The following RNASEL variants were observed in gnomAD, a reference collection of about 807,000 sequenced individuals.
The protein encoded by RNASEL is ribonuclease L.
Under a neutral mutation model 50.9 loss-of-function variants are expected in RNASEL, and 36 were observed. The observed-to-expected ratio is 0.71, with a 90% confidence interval of 0.54 to 0.93. RNASEL has a LOEUF of 0.93. Among genes scored for constraint, RNASEL ranks in the 40% least tolerant of loss-of-function variants. The pLI is 0.00. For synonymous variants in RNASEL, 335 were observed against 335.6 expected, an observed-to-expected ratio of 1.00 and a Z score of 0.02; for missense variants, 860 against 894.5, an observed-to-expected ratio of 0.96 and a Z score of 0.49.
rs1433618487 is a variant in RNASEL, at chr1:182,581,445, G to A, written c.1773-88C>T. ...AAAAAGAAAACCGTTAGATTTTGGT[G>A]TTTTTTGTGCTTTCTTGGTTTTTCT... On this transcript the variant is annotated intron_variant, in intron 4 of 6. Coordinates refer to ENST00000367559, the MANE Select transcript of RNASEL (RefSeq NM_021133.4). The A allele has an allele frequency of 7.7e-6, 5 of 652,268 alleles. No individual in the cohort carries two copies. In the African/African-American group the frequency reaches 9.9e-5, roughly 13 times the overall value. The allele number at this position is 652,268 out of a possible 1,614,324, so 40.4% of individuals were successfully genotyped here.
Position 182,588,990 on chromosome 1 carries a change from C to CT in RNASEL, c.-165+176dup, listed in dbSNP as rs530184957. Among the ~76,000 whole-genome samples, 19 of 152,342 alleles carry CT rather than the reference C, an allele frequency of 1.2e-4. No homozygotes were observed. The East Asian group carries it at 3.7e-3, about 29-fold the overall frequency. ...GACATGGATAAATGACGTGTGGACT[C>CT]TGACAGAACTCTGGAAGGGCACTGG... On this transcript the variant is annotated intron_variant, in intron 1 of 6. Transcript: ENST00000367559.
intron 1 of RNASEL, among the ~76,000 whole-genome samples, chr1:182,588,806 G>A (rs1230647262): frequency 6.6e-6 from 1 of 152,224 alleles, no homozygotes; most frequent in East Asian, 1.9e-4. Flanking sequence ...ATAAACAAAG[G>A]AGCCGGGAAG....
intron 1 of RNASEL, among the ~76,000 whole-genome samples, chr1:182,587,574 A>G (rs951736491): frequency 2.0e-5 from 3 of 151,558 alleles, no homozygotes; most frequent in African/African-American, 7.3e-5. Context: ...AATTGCTTTC[A>G]ATGTCATATA....
Position 182,586,039 on chromosome 1 carries a change from C to T in RNASEL, c.768G>A (p.Gln256=). Residue 256 remains glutamine (Q), a synonymous_variant, in exon 2 of 7, where the codon CAG becomes CAA. Coordinates refer to ENST00000367559, the MANE Select transcript of RNASEL (RefSeq NM_021133.4). ...AVEKKHLGLV[Q]RLLEQEHIEI... is the part of the protein sequence containing the mutation. ...CTATGTGCTCTTGCTCCAGAAGCCT[C>T]TGCACCAAACCCAAGTGCTTCTTCT... The T allele has an allele frequency of 1.9e-6, 3 of 1,614,116 alleles. No individual in the cohort carries two copies. Among genetic ancestry groups the T allele is most frequent in the Non-Finnish European group, 2.5e-6 (3 of 1,180,036 alleles).
Position 182,586,745 on chromosome 1 carries a change from G to C in RNASEL, c.62C>G (p.Ala21Gly), listed in dbSNP as rs1396926537. ...CAGCAAGTGATTGTCTTCCACTGCA[G>C]CCCTTCTACCGCTGGAGGACGTGGG... ...EGPTSSSGRRAAVEDNHLLIK... is the reference protein window; with the variant it reads ...EGPTSSSGRRGAVEDNHLLIK... The change falls in exon 2 of 7, where the codon GCT (alanine) becomes GGT (glycine). Residue 21 changes from alanine (A) to glycine (G), a missense_variant. By Grantham distance (60) the Ala-to-Gly change is moderately conservative. Coordinates refer to ENST00000367559, the MANE Select transcript of RNASEL (RefSeq NM_021133.4). 1 of 1,614,142 alleles carries C rather than the reference G, an allele frequency of 6.2e-7. No individual in the cohort carries two copies. Among genetic ancestry groups the C allele is most frequent in the Non-Finnish European group, 8.5e-7 (1 of 1,180,056 alleles).
At chr1:182,576,441 C>G (rs769814669) in intron 5 of RNASEL, 52 bp from the exon 6 acceptor site, 1 of 1,416,996 alleles carries the variant, frequency 7.1e-7, no homozygotes, top group Non-Finnish European at 9.8e-7. Flanking sequence ...AAAATAAATC[C>G]TGATGAAATA....
intron 5 of RNASEL, among the ~76,000 whole-genome samples, chr1:182,577,454 C>T (rs190380812): frequency 1.3e-5 from 2 of 152,168 alleles, no homozygotes; most frequent in Non-Finnish European, 2.9e-5. Flanking sequence ...TGAAACTGGG[C>T]CTGGCAACCA....
In RNASEL at chr1:182,586,078, C is replaced by T; in HGVS notation, c.729G>A (p.Leu243=). Reference sequence around the variant, plus strand: ...AGTGCTTCTTCTCCACTGCCAGGATCAGGGGAGTCTTCCCTCTTTCTCCCC... The same window carrying T: ...AGTGCTTCTTCTCCACTGCCAGGATTAGGGGAGTCTTCCCTCTTTCTCCCC... ...NVRGERGKTP[L]ILAVEKKHLG... The change falls in exon 2 of 7, where the codon CTG becomes CTA. Residue 243 remains leucine, a synonymous_variant. Coordinates refer to ENST00000367559, the MANE Select transcript of RNASEL (RefSeq NM_021133.4). 1 of 1,614,146 alleles carries T rather than the reference C, an allele frequency of 6.2e-7. No individual in the cohort carries two copies. Among genetic ancestry groups the T allele is most frequent in the African/African-American group, 1.3e-5 (1 of 75,052 alleles).
intron 6 of RNASEL, among the ~76,000 whole-genome samples, chr1:182,575,976 T>G (rs983902207): frequency 1.3e-5 from 2 of 152,176 alleles, no homozygotes; most frequent in African/African-American, 4.8e-5. Flanking sequence ...AGCTGTCCAG[T>G]CTCCTGTGTT....
intron 6 of RNASEL, 38 bp from the exon 7 acceptor site, chr1:182,575,616 A>C (rs943679608): frequency 6.2e-7 from 1 of 1,612,196 alleles, no homozygotes; most frequent in African/African-American, 1.3e-5. Context: ...TGCTTGCCCC[A>C]AATTATTCTT....
Position 182,581,339 on chromosome 1 carries a change from C to T in RNASEL, c.1791G>A (p.Arg597=). 6.2e-7 allele frequency: 1 copy of T among 1,614,076 alleles called. No homozygotes were observed. Among genetic ancestry groups the T allele is most frequent in the Non-Finnish European group, 8.5e-7 (1 of 1,180,026 alleles). The change falls in exon 5 of 7, where the codon CGG becomes CGA. Residue 597 remains arginine (R), a synonymous_variant. Transcript: ENST00000367559. ...TGATGTCGGATTCATTTCCCACATT[C>T]CGAAGCGTCCTATAGCGGCTGAAGA... ...WTWESRYRTL[R]NVGNESDIKT...
chr1:182,581,099 A>T, intron 5 of RNASEL, 126 bp downstream of exon 5: 1 of 1,402,242 alleles, frequency 7.1e-7, no homozygotes, highest in East Asian at 2.3e-5. Flanking sequence ...GGAGGGCAGG[A>T]GGCAAAATCA....
intron 5 of RNASEL, chr1:182,579,291 G>A (rs1661447526): frequency 1.0e-6 from 1 of 986,336 alleles, no homozygotes; most frequent in Non-Finnish European, 1.2e-6. Flanking sequence ...TCATATCACA[G>A]TAATGTCATC....
intron 5 of RNASEL, 118 bp downstream of exon 5, chr1:182,581,107 T>A (rs1344955348): frequency 1.3e-6 from 2 of 1,494,898 alleles, no homozygotes; most frequent in South Asian, 2.3e-5. Context: ...GGAGGCAAAA[T>A]CACCTCTTTG....
chr1:182,583,059 C>G (rs1054078829), intron 3 of RNASEL, among the ~76,000 whole-genome samples: 1 of 152,198 alleles, frequency 6.6e-6, no homozygotes, highest in Non-Finnish European at 1.5e-5. Context: ...TAGTATCCAG[C>G]CTTCTGCAGA....
At chr1:182,576,111 G>T in intron 6 of RNASEL, 145 bp downstream of exon 6, 1 of 732,154 alleles carries the variant, frequency 1.4e-6, no homozygotes, top group Non-Finnish European at 2.2e-6. Context: ...AACAGTGATA[G>T]CCCTTTTACA....
chr1:182,581,473 CTTTTTTT>C (rs1011639686), intron 4 of RNASEL, 116 bp from the exon 5 acceptor site: 31 of 294,804 alleles, frequency 1.1e-4, no homozygotes, highest in African/African-American at 2.0e-4. Flanking sequence ...GTTTTTCTTT[CTTTTTTT>C]TTTTTTTTTT....
Position 182,586,658 on chromosome 1 carries a change from T to C in RNASEL, c.149A>G (p.Asn50Ser), listed in dbSNP as rs145581875. The change falls in exon 2 of 7, where the codon AAT becomes AGT. Residue 50 changes from asparagine to serine, a missense_variant. Physicochemically the swap from Asn to Ser is conservative, Grantham distance 46. Coordinates refer to ENST00000367559, the MANE Select transcript of RNASEL (RefSeq NM_021133.4). ...CCCTTCCTCTTCCTGGAAATTAACA[T>C]TGGCTCCACCTTCCAGCAATTGCTG... ...LVQQLLEGGA[N>S]VNFQEEEGGW... 1.2e-6 allele frequency: 2 copies of C among 1,613,652 alleles called. No homozygotes were observed. Among genetic ancestry groups the C allele is most frequent in the Non-Finnish European group, 1.7e-6 (2 of 1,179,636 alleles).
At chr1:182,588,036 T>G (rs924146340) in intron 1 of RNASEL, among the ~76,000 whole-genome samples, 2 of 152,248 alleles carry the variant, frequency 1.3e-5, no homozygotes, top group Non-Finnish European at 2.9e-5. Context: ...TGTAGCCTAA[T>G]GTAAGTGTTC....
Sources: allele counts gnomAD v4.1 joint callset (sites outside exome capture counted in the v4.1 genomes callset), GRCh38; gene constraint gnomAD v4.1.1; transcripts MANE v1.5; gene names NCBI Gene and HGNC (gene_info 2026-07-23, HGNC 2026-07-21).